NPAS3: variants seen among roughly 807,000 people sequenced by gnomAD.
The protein encoded by NPAS3 is neuronal PAS domain protein 3.
In NPAS3, 14 loss-of-function variants were observed where a neutral mutation model predicts 73.1. The ratio of observed to expected loss-of-function variants is 0.19; its 90% CI spans 0.13 to 0.30. The LOEUF (loss-of-function observed/expected upper bound fraction) is 0.30. NPAS3 is among the 10% of genes least tolerant of loss of function. The pLI, the probability that NPAS3 is intolerant of heterozygous loss-of-function variation, is 1.00. For synonymous variants in NPAS3, 620 were observed against 541.5 expected, an observed-to-expected ratio of 1.14 and a Z score of -2.01; for missense variants, 1,096 against 1,250.0, an observed-to-expected ratio of 0.88 and a Z score of 1.86.
At chr14:33,513,691 T>C (rs11156796) in intron 4 of NPAS3, among the ~76,000 whole-genome samples, 92,816 of 151,784 alleles carry the variant, frequency 0.61, 28,603 homozygotes, top group South Asian at 0.74. Context: ...AGGATTATGT[T>C]CTCATGAATG....
chr14:33,022,717 A>G (rs980778298), intron 1 of NPAS3, among the ~76,000 whole-genome samples: 2 of 151,290 alleles, frequency 1.3e-5, no homozygotes, highest in African/African-American at 4.9e-5. Context: ...AACCCAACTC[A>G]TTGTTTATTT....
chr14:33,364,482 C>CT (rs1275501319), intron 3 of NPAS3, among the ~76,000 whole-genome samples: 1 of 152,164 alleles, frequency 6.6e-6, no homozygotes, highest in Non-Finnish European at 1.5e-5. Context: ...TAGGAACTGT[C>CT]TTTGCAGCCC....
intron 5 of NPAS3, among the ~76,000 whole-genome samples, chr14:33,633,026 G>C (rs61972989): frequency 0.056 from 8,565 of 152,062 alleles, 343 homozygotes; most frequent in Middle Eastern, 0.092. Context: ...AAAAAATCCC[G>C]TAACAATAAA....
chr14:33,485,474 CAACTTCTGGA>C (rs2051538649), intron 4 of NPAS3, among the ~76,000 whole-genome samples: 1 of 152,142 alleles, frequency 6.6e-6, no homozygotes, highest in Admixed American at 6.5e-5. Context: ...GGCCTTAAGT[CAACTTCTGGA>C]AACTTTGGAT....
At chr14:33,626,754 T>C (rs147160096) in intron 5 of NPAS3, among the ~76,000 whole-genome samples, 3 of 152,240 alleles carry the variant, frequency 2.0e-5, no homozygotes, top group East Asian at 1.9e-4. Flanking sequence ...TGGAGGGAGA[T>C]AGATAGACAA....
chr14:33,526,865 A>G (rs1230460043), intron 4 of NPAS3, among the ~76,000 whole-genome samples: 1 of 152,044 alleles, frequency 6.6e-6, no homozygotes, highest in Non-Finnish European at 1.5e-5. Flanking sequence ...TCACTGTGTT[A>G]ATGAAGTTAC....
chr14:33,578,279 C>A (rs1207659319), intron 5 of NPAS3: 2 of 454,208 alleles, frequency 4.4e-6, no homozygotes, highest in African/African-American at 2.0e-5. Context: ...CCACAACCTC[C>A]ACCTCCTGGG....
At chr14:33,075,551 G>C (rs1279433179) in intron 2 of NPAS3, among the ~76,000 whole-genome samples, 2 of 152,190 alleles carry the variant, frequency 1.3e-5, no homozygotes, top group Non-Finnish European at 2.9e-5. Flanking sequence ...GAGATTAGCA[G>C]TGTTGTTGGC....
intron 3 of NPAS3, among the ~76,000 whole-genome samples, chr14:33,282,255 C>A (rs2041658346): frequency 6.6e-6 from 1 of 152,172 alleles, no homozygotes; most frequent in South Asian, 2.1e-4. Flanking sequence ...GATTCCAAGG[C>A]TTTGTGCCTA....
intron 3 of NPAS3, among the ~76,000 whole-genome samples, chr14:33,315,284 A>T (rs2043163040): frequency 6.6e-6 from 1 of 152,124 alleles, no homozygotes; most frequent in African/African-American, 2.4e-5. Flanking sequence ...GTGAATAAAG[A>T]TCTTTGTTTG....
At chr14:33,108,708 G>T (rs1183392404) in intron 2 of NPAS3, among the ~76,000 whole-genome samples, 3 of 152,154 alleles carry the variant, frequency 2.0e-5, no homozygotes, top group Non-Finnish European at 4.4e-5. Context: ...GTGTAATAGA[G>T]CATTAGATTT....
At chr14:33,013,090 T>G (rs2039269370) in intron 1 of NPAS3, among the ~76,000 whole-genome samples, 1 of 152,170 alleles carries the variant, frequency 6.6e-6, no homozygotes, top group Non-Finnish European at 1.5e-5. Context: ...TGAGATATAC[T>G]GATTAAATGA....
rs1165772036 is a variant in NPAS3 at position 33,800,217 on chromosome 14, T to C, written c.1910T>C (p.Leu637Pro). ...GGCCTGGTGGAGCCCCCGCGGCTGC[T>C]GTCCTCCCCCAACAGTGCCTCGGTG... The change falls in exon 12 of 12, where the codon CTG (leucine) becomes CCG (proline). Residue 637 changes from leucine to proline, a missense_variant. By Grantham distance (98) the Leu-to-Pro change is moderately conservative (BLOSUM62 -3). This residue lies in a region of NPAS3 where 698 missense variants were observed against 676.7 expected (regional missense o/e 1.03). Transcript: ENST00000356141. The surrounding 1 kb of genome is among the most constrained non-coding windows in gnomAD (Gnocchi z 6.5). 2.5e-6 allele frequency: 4 copies of C among 1,612,404 alleles called. No homozygotes were observed. In the African/African-American group the frequency reaches 4.0e-5, roughly 16 times the overall value.
intron 5 of NPAS3, among the ~76,000 whole-genome samples, chr14:33,586,266 A>AT (rs2056859585): frequency 7.4e-6 from 1 of 135,602 alleles, no homozygotes; most frequent in Non-Finnish European, 1.6e-5. Context: ...TCATAGCATA[A>AT]TAATTCACTT....
At chr14:33,693,280 A>G (rs1397482209) in intron 6 of NPAS3, among the ~76,000 whole-genome samples, 1 of 152,172 alleles carries the variant, frequency 6.6e-6, no homozygotes, top group Non-Finnish European at 1.5e-5. Flanking sequence ...GAAATAATCA[A>G]CTGTTATGAC....
chr14:33,369,935 C>T (rs2046012493), intron 4 of NPAS3, among the ~76,000 whole-genome samples: 1 of 152,118 alleles, frequency 6.6e-6, no homozygotes, highest in Non-Finnish European at 1.5e-5. Flanking sequence ...CAGAAGGGTC[C>T]ATGGGAGAAT....
chr14:33,373,906 G>T (rs1256790768), intron 4 of NPAS3, among the ~76,000 whole-genome samples: 1 of 152,120 alleles, frequency 6.6e-6, no homozygotes, highest in East Asian at 1.9e-4. Flanking sequence ...ATCAGAAAAG[G>T]CTAGGTACGA....
At chr14:33,283,172 T>C (rs2041699907) in intron 3 of NPAS3, among the ~76,000 whole-genome samples, 1 of 152,196 alleles carries the variant, frequency 6.6e-6, no homozygotes, top group Admixed American at 6.5e-5. Flanking sequence ...ATTCACACTT[T>C]ACATGTGATT....
intron 7 of NPAS3, among the ~76,000 whole-genome samples, chr14:33,772,480 G>A (rs935567757): frequency 1.3e-5 from 2 of 152,170 alleles, no homozygotes; most frequent in African/African-American, 4.8e-5. Flanking sequence ...TTCCAACCCA[G>A]ACGCCTTTAA....
Sources: gnomAD v4.1 joint callset for allele counts (sites outside exome capture counted in the v4.1 genomes callset) on GRCh38, gnomAD v4.1.1 for gene constraint, gnomAD v4.1.1 regional missense constraint, Gnocchi (gnomAD v3.1) non-coding constraint, MANE v1.5 for transcripts, NCBI Gene and HGNC (gene_info 2026-07-23, HGNC 2026-07-21) for gene names.